ASIC2: variants seen among roughly 807,000 people sequenced by gnomAD.
The protein encoded by ASIC2 is acid-sensing ion channel 2.
In ASIC2, 25 loss-of-function variants were observed where a neutral mutation model predicts 57.3. The ratio of observed to expected loss-of-function variants is 0.44; its 90% CI spans 0.32 to 0.61. The LOEUF (loss-of-function observed/expected upper bound fraction) is 0.61, where lower values mean the gene tolerates loss of function less well. Among genes scored for constraint, ASIC2 ranks in the 20% least tolerant of loss-of-function variants. The pLI is 0.06. For synonymous variants in ASIC2, 319 were observed against 307.5 expected (o/e 1.04, Z -0.39); for missense variants, 641 against 738.1 (o/e 0.87, Z 1.52).
chr17:34,062,942 AAAG>A (rs1253244953), intron 1 of ASIC2, among the ~76,000 whole-genome samples: 7 of 152,218 alleles, frequency 4.6e-5, no homozygotes, highest in Admixed American at 2.6e-4. Flanking sequence ...CAAGACATTC[AAAG>A]AAGAATTGGT....
At chr17:33,928,854 ATAG>A (rs1312167338) in intron 1 of ASIC2, among the ~76,000 whole-genome samples, 1 of 152,136 alleles carries the variant, frequency 6.6e-6, no homozygotes, top group Non-Finnish European at 1.5e-5. Context: ...GCAGCAAGTA[ATAG>A]TAGTAGAAGC....
intron 1 of ASIC2, among the ~76,000 whole-genome samples, chr17:33,254,792 A>AGGAT (rs1458204433): frequency 6.6e-6 from 1 of 152,192 alleles, no homozygotes; most frequent in Non-Finnish European, 1.5e-5. Context: ...TCAAGAAAGC[A>AGGAT]GGATGGAAGA....
At chr17:33,461,687 A>T (rs1007100134) in intron 1 of ASIC2, among the ~76,000 whole-genome samples, 1 of 152,166 alleles carries the variant, frequency 6.6e-6, no homozygotes, top group Non-Finnish European at 1.5e-5. Context: ...TGTTAAGTAC[A>T]TGAGAAGGGT....
intron 1 of ASIC2, among the ~76,000 whole-genome samples, chr17:34,133,959 A>G (rs1312801900): frequency 6.6e-6 from 1 of 152,180 alleles, no homozygotes. Flanking sequence ...CCCATCACAA[A>G]GAATCCTGTG....
intron 2 of ASIC2, among the ~76,000 whole-genome samples, chr17:33,095,733 A>G (rs1010121380): frequency 1.3e-5 from 2 of 152,206 alleles, no homozygotes; most frequent in African/African-American, 2.4e-5. Context: ...GGGCAGGGGC[A>G]GCAAAGTCTG....
At chr17:33,214,389 C>T (rs979138507) in intron 1 of ASIC2, among the ~76,000 whole-genome samples, 14 of 152,198 alleles carry the variant, frequency 9.2e-5, no homozygotes, top group African/African-American at 3.4e-4. Context: ...GGGCTGACTT[C>T]TAAGGGAATA....
chr17:33,614,995 A>G (rs1372679126), intron 1 of ASIC2, among the ~76,000 whole-genome samples: 3 of 152,248 alleles, frequency 2.0e-5, no homozygotes, highest in Non-Finnish European at 4.4e-5. Flanking sequence ...ATTAATTACA[A>G]GTCAAACTGG....
At chr17:34,126,945 C>T (rs929694292) in intron 1 of ASIC2, among the ~76,000 whole-genome samples, 1 of 152,154 alleles carries the variant, frequency 6.6e-6, no homozygotes. Flanking sequence ...ACAGGGAGCA[C>T]AAGCCTCTTC....
In ASIC2 at chr17:33,556,968, T is replaced by G. The variant is rs993265498; in HGVS notation, c.556-444901A>C. ...AGGGAGGAATGGTGGAAGACTTTCTTGCAATTAGCTCTTCCTGTTCTATGC... is the reference window on the plus strand; with the variant it reads ...AGGGAGGAATGGTGGAAGACTTTCTGGCAATTAGCTCTTCCTGTTCTATGC... On this transcript the variant is annotated intron_variant, in intron 1 of 9. Coordinates refer to the ASIC2 transcript ENST00000359872. 3.9e-5 allele frequency among the ~76,000 whole-genome samples: 6 copies of G among 152,238 alleles called. No homozygotes were observed. In the South Asian group the frequency reaches 6.2e-4, roughly 16 times the overall value.
At chr17:33,587,122 G>A (rs1169942342) in intron 1 of ASIC2, among the ~76,000 whole-genome samples, 2 of 152,322 alleles carry the variant, frequency 1.3e-5, no homozygotes, top group East Asian at 3.9e-4. Context: ...ACTTACATAT[G>A]TTACATGATT....
rs145027833 is a variant in ASIC2, at chr17:33,862,867, C to T, written c.555+293111G>A. Among the ~76,000 whole-genome samples the T allele has an allele frequency of 2.0e-3, 298 of 152,270 alleles. 2 individuals carry two copies. The highest frequency in any genetic ancestry group is 7.0e-3 in the African/African-American group (289 of 41,558). On this transcript the variant is annotated intron_variant, in intron 1 of 9. Transcript: ENST00000359872. The stretch of plus-strand genomic sequence containing the variant: ...GGCAGATGGTCAGTTTCTTGACCAG[C>T]GGTTGAAGACTTGGTGAAGACCAGT...
intron 1 of ASIC2, among the ~76,000 whole-genome samples, chr17:33,170,445 A>C (rs1021629785): frequency 1.3e-5 from 2 of 152,198 alleles, no homozygotes; most frequent in Non-Finnish European, 1.5e-5. Context: ...AGATAAAGGC[A>C]CAAGTAGGAA....
intron 1 of ASIC2, among the ~76,000 whole-genome samples, chr17:33,989,460 G>A (rs770656978): frequency 3.3e-5 from 5 of 152,068 alleles, no homozygotes; most frequent in South Asian, 2.1e-4. Flanking sequence ...AAAGGAGATC[G>A]GGGCCAGACT....
intron 1 of ASIC2, among the ~76,000 whole-genome samples, chr17:33,464,458 TC>T (rs1912745012): frequency 1.4e-5 from 1 of 71,444 alleles, no homozygotes; most frequent in African/African-American, 7.5e-5. Context: ...CCTCTTTTTC[TC>T]TTTCTTTCTT....
intron 1 of ASIC2, among the ~76,000 whole-genome samples, chr17:33,589,741 C>T (rs947443066): frequency 6.6e-6 from 1 of 152,124 alleles, no homozygotes; most frequent in African/African-American, 2.4e-5. Flanking sequence ...TATATATATT[C>T]ACACACCACA....
At chr17:33,960,464 A>G (rs919637153) in intron 1 of ASIC2, among the ~76,000 whole-genome samples, 1 of 152,206 alleles carries the variant, frequency 6.6e-6, no homozygotes, top group Non-Finnish European at 1.5e-5. Context: ...GCTTGACTGG[A>G]GATTGATCCT....
chr17:33,942,657 A>T (rs1356423195), intron 1 of ASIC2, among the ~76,000 whole-genome samples: 1 of 152,116 alleles, frequency 6.6e-6, no homozygotes, highest in Non-Finnish European at 1.5e-5. Context: ...GCAGAGACAA[A>T]TTGGGGCCCT....
intron 1 of ASIC2, among the ~76,000 whole-genome samples, chr17:33,768,720 G>A (rs1446874749): frequency 6.6e-6 from 1 of 152,078 alleles, no homozygotes; most frequent in African/African-American, 2.4e-5. Context: ...CCTGAATAAT[G>A]CCTTCGAACC....
intron 3 of ASIC2, among the ~76,000 whole-genome samples, chr17:33,061,343 C>T (rs1158232385): frequency 6.6e-6 from 1 of 152,096 alleles, no homozygotes; most frequent in African/African-American, 2.4e-5. Flanking sequence ...TGCATCAATA[C>T]CTAATTTATT....
Sources: allele counts gnomAD v4.1 joint callset (sites outside exome capture counted in the v4.1 genomes callset), GRCh38; gene constraint gnomAD v4.1.1; transcripts MANE v1.5; gene names NCBI Gene and HGNC (gene_info 2026-07-23, HGNC 2026-07-21).